Variants in PDS5B observed in about 807,000 individuals in gnomAD.
PDS5B encodes the protein sister chromatid cohesion protein PDS5 homolog B.
A neutral mutation model predicts 184.1 loss-of-function variants in PDS5B; 51 were observed. The ratio of observed to expected loss-of-function variants is 0.28; its 90% CI spans 0.22 to 0.35. PDS5B has a LOEUF of 0.35. Among genes scored for constraint, PDS5B ranks in the 10% least tolerant of loss-of-function variants. The probability of loss-of-function intolerance (pLI) is 1.00; values close to 1 mark genes in which losing one functional copy is unlikely to be tolerated. For synonymous variants in PDS5B, 566 were observed against 569.2 expected (o/e 0.99, Z 0.08); for missense variants, 1,180 against 1,723.3 (o/e 0.68, Z 5.58).
At chr13:32,716,680 C>G (rs1448413292) in intron 19 of PDS5B, among the ~76,000 whole-genome samples, 3 of 138,016 alleles carry the variant, frequency 2.2e-5, no homozygotes, top group Non-Finnish European at 4.9e-5. Flanking sequence ...GGGTCAGCCC[C>G]CCGCCCGGCC....
chr13:32,610,616 A>AT (rs10552401), intron 1 of PDS5B, among the ~76,000 whole-genome samples: 5,808 of 146,384 alleles, frequency 0.04, 327 homozygotes, highest in African/African-American at 0.13. Flanking sequence ...TTTGAACCAA[A>AT]TTTTTTTTTT....
At chr13:32,683,444 C>T (rs1951304492) in intron 10 of PDS5B, among the ~76,000 whole-genome samples, 1 of 151,852 alleles carries the variant, frequency 6.6e-6, no homozygotes, top group Admixed American at 6.6e-5. Flanking sequence ...TCTCAGCCTC[C>T]CAAGTAGCTG....
intron 19 of PDS5B, among the ~76,000 whole-genome samples, chr13:32,717,431 CAG>C (rs1379366865): frequency 6.8e-6 from 1 of 147,514 alleles, no homozygotes; most frequent in Non-Finnish European, 1.5e-5. Context: ...TGTGTCCACT[CAG>C]GGTTACATGG....
At chr13:32,623,969 G>T (rs1002469162) in intron 1 of PDS5B, among the ~76,000 whole-genome samples, 1 of 151,662 alleles carries the variant, frequency 6.6e-6, no homozygotes, top group Admixed American at 6.6e-5. Context: ...GTGCCACCAC[G>T]CCCAGCTAAT....
At chr13:32,602,092 G>A (rs1593244007) in intron 1 of PDS5B, among the ~76,000 whole-genome samples, 1 of 151,232 alleles carries the variant, frequency 6.6e-6, no homozygotes, top group South Asian at 2.1e-4. Context: ...TTAAATCCTT[G>A]TCTTTTTTTT....
intron 10 of PDS5B, among the ~76,000 whole-genome samples, chr13:32,682,643 T>C (rs920774548): frequency 3.3e-5 from 5 of 152,194 alleles, no homozygotes; most frequent in African/African-American, 7.2e-5. Flanking sequence ...AAAACAGTAA[T>C]TAAATTGCTG....
chr13:32,762,052 G>A (rs1351458363), intron 30 of PDS5B, among the ~76,000 whole-genome samples: 2 of 152,190 alleles, frequency 1.3e-5, no homozygotes, highest in African/African-American at 4.8e-5. Flanking sequence ...TTTCTCTGAT[G>A]ATTAGCGATG....
chr13:32,665,399 G>A (rs1489475991), intron 6 of PDS5B, among the ~76,000 whole-genome samples: 1 of 151,644 alleles, frequency 6.6e-6, no homozygotes, highest in Non-Finnish European at 1.5e-5. Flanking sequence ...AGACCATCCT[G>A]GCTAACACAG....
chr13:32,724,255 AC>A (rs1952819277), intron 19 of PDS5B, among the ~76,000 whole-genome samples: 4 of 151,870 alleles, frequency 2.6e-5, no homozygotes, highest in Admixed American at 2.6e-4. Context: ...AGTTGGAACC[AC>A]AGACACCACA....
intron 1 of PDS5B, among the ~76,000 whole-genome samples, chr13:32,588,431 A>T (rs1050728451): frequency 6.6e-6 from 1 of 152,246 alleles, no homozygotes. Context: ...CTTTATAAAA[A>T]TTACCAAAAT....
At chr13:32,661,385 C>CAAAAAAAAAAAA (rs747985772) in intron 6 of PDS5B, among the ~76,000 whole-genome samples, 2 of 32,010 alleles carry the variant, frequency 6.2e-5, no homozygotes, top group African/African-American at 2.1e-4. Context: ...GACTCTGTCT[C>CAAAAAAAAAAAA]AAAAAAAAAA....
At chr13:32,755,800 T>A in intron 25 of PDS5B, 42 bp from the exon 26 acceptor site, 2 of 1,018,534 alleles carry the variant, frequency 2.0e-6, no homozygotes, top group Middle Eastern at 2.2e-4. Flanking sequence ...TTTTGCTTTT[T>A]CTTTTGTTTT....
intron 1 of PDS5B, among the ~76,000 whole-genome samples, chr13:32,589,004 G>C (rs548810700): frequency 1.2e-4 from 19 of 152,198 alleles, no homozygotes; most frequent in African/African-American, 4.3e-4. Context: ...GACTGCCTTA[G>C]AACTAACAGG....
At chr13:32,741,758 G>A (rs886848650) in intron 22 of PDS5B, among the ~76,000 whole-genome samples, 6 of 142,204 alleles carry the variant, frequency 4.2e-5, no homozygotes, top group South Asian at 2.4e-4. Context: ...TTTATAGTTC[G>A]TATTACGAAC....
intron 6 of PDS5B, among the ~76,000 whole-genome samples, chr13:32,667,234 C>T (rs193183946): frequency 1.1e-4 from 16 of 152,066 alleles, no homozygotes; most frequent in East Asian, 3.9e-4. Context: ...TGTTATCTTC[C>T]GCCCGTACTT....
intron 1 of PDS5B, among the ~76,000 whole-genome samples, chr13:32,639,394 GTTT>G (rs1366086161): frequency 1.3e-5 from 2 of 152,136 alleles, no homozygotes; most frequent in African/African-American, 2.4e-5. Context: ...CACCGTCACT[GTTT>G]TACCAGAACA....
At chr13:32,655,374 A>ATATATATATATATATATATTTTTT in intron 3 of PDS5B, among the ~76,000 whole-genome samples, 1 of 72,484 alleles carries the variant, frequency 1.4e-5, no homozygotes, top group African/African-American at 8.3e-5. Flanking sequence ...ATATATATAT[A>ATATATATATATATATATATTTTTT]TTTTTTTTTT....
rs1448414572 is a variant in PDS5B, at chr13:32,709,970, T to C, written c.1987T>C (p.Ser663Pro). The change falls in exon 19 of 35, where the codon TCA becomes CCA. Residue 663 changes from serine (S) to proline (P), a missense_variant. This residue lies in a region of PDS5B where 475 missense variants were observed against 691.5 expected (regional missense o/e 0.69). Transcript: ENST00000315596. ...GGTACTCTCATTTACACATCCCATC[T>C]CATTTCATTCTGCTGAAACATTTGA... ...LKVLSFTHPI[S>P]FHSAETFESL... 2 of 1,481,012 alleles carry C rather than the reference T, an allele frequency of 1.4e-6. No homozygotes were observed. Among genetic ancestry groups the C allele is most frequent in the Non-Finnish European group, 1.8e-6 (2 of 1,097,692 alleles). 91.7% of individuals were successfully genotyped at this position (1,481,012 alleles called of 1,614,324 possible).
chr13:32,674,863 G>A (rs1215179813), intron 8 of PDS5B, among the ~76,000 whole-genome samples: 1 of 151,180 alleles, frequency 6.6e-6, no homozygotes, highest in Non-Finnish European at 1.5e-5. Context: ...AAGCCTTAAA[G>A]AAATAGCTGT....
Sources: gnomAD v4.1 joint callset for allele counts (sites outside exome capture counted in the v4.1 genomes callset) on GRCh38, gnomAD v4.1.1 for gene constraint, gnomAD v4.1.1 regional missense constraint, MANE v1.5 for transcripts, NCBI Gene and HGNC (gene_info 2026-07-23, HGNC 2026-07-21) for gene names.